Variants in RNLS observed in about 807,000 individuals in gnomAD.
The protein encoded by RNLS is renalase.
Under a neutral mutation model 39.8 loss-of-function variants are expected in RNLS, and 39 were observed. The ratio of observed to expected loss-of-function variants is 0.98; its 90% CI spans 0.76 to 1.28. The LOEUF (loss-of-function observed/expected upper bound fraction) is 1.28. Ranked by LOEUF, RNLS falls within the 50% of genes most tolerant of loss-of-function variation. The pLI, the probability that RNLS is intolerant of heterozygous loss-of-function variation, is 0.00. For missense variants in RNLS, 410 were observed against 413.3 expected (o/e 0.99, Z 0.07); for synonymous variants, 147 against 150.7 (o/e 0.98, Z 0.18).
At chr10:88,428,661 G>T (rs558204174) in intron 4 of RNLS, among the ~76,000 whole-genome samples, 2 of 151,970 alleles carry the variant, frequency 1.3e-5, no homozygotes, top group Non-Finnish European at 1.5e-5. Context: ...TACCCCTGGG[G>T]TATGTGGCTA....
intron 4 of RNLS, among the ~76,000 whole-genome samples, chr10:88,453,263 C>G (rs1461878615): frequency 6.6e-6 from 1 of 152,206 alleles, no homozygotes; most frequent in African/African-American, 2.4e-5. Context: ...TAGAAACCAA[C>G]AGCTCTTAGT....
Position 88,284,983 on chromosome 10 carries a change from T to C in RNLS, c.*371A>G. The C allele has an allele frequency of 1.0e-6, 1 of 993,018 alleles. No individual in the cohort carries two copies. The highest frequency in any genetic ancestry group is 1.2e-6 in the Non-Finnish European group (1 of 835,068). 61.5% of individuals were successfully genotyped at this position (993,018 alleles called of 1,614,324 possible). On this transcript the variant is annotated 3_prime_UTR_variant, in exon 7 of 7. Transcript: ENST00000331772. The stretch of plus-strand genomic sequence containing the variant: ...AGATGGGGCTTTGATAATGTGATTA[T>C]TCTTTATTCAGAATTGAAATTTTCA...
chr10:88,503,549 A>G (rs976104719), intron 4 of RNLS, among the ~76,000 whole-genome samples: 36 of 152,194 alleles, frequency 2.4e-4, no homozygotes, highest in African/African-American at 8.4e-4. Flanking sequence ...TTAGAACTAC[A>G]AAGTTGCAAT....
At chr10:88,426,162 T>C (rs746189821) in intron 4 of RNLS, among the ~76,000 whole-genome samples, 1 of 152,064 alleles carries the variant, frequency 6.6e-6, no homozygotes, top group Non-Finnish European at 1.5e-5. Flanking sequence ...TATGGCTCTT[T>C]GTACTCAAGA....
At chr10:88,369,107 T>C (rs556467527) in intron 4 of RNLS, among the ~76,000 whole-genome samples, 4 of 152,324 alleles carry the variant, frequency 2.6e-5, no homozygotes, top group South Asian at 4.1e-4. Flanking sequence ...TAATGGGTGA[T>C]ATAGGCATTC....
At chr10:88,504,841 CAG>C (rs386361961) in intron 4 of RNLS, among the ~76,000 whole-genome samples, 24,057 of 136,598 alleles carry the variant, frequency 0.18, 2,109 homozygotes, top group Admixed American at 0.27. Context: ...GAGAGAGAGA[CAG>C]AGTGTGTGTG....
intron 4 of RNLS, among the ~76,000 whole-genome samples, chr10:88,457,751 T>C (rs1405969054): frequency 6.6e-6 from 1 of 152,184 alleles, no homozygotes; most frequent in Non-Finnish European, 1.5e-5. Context: ...TCCTCTGATG[T>C]CTCCCTATCC....
At chr10:88,190,943 A>G in the RNLS span, among the ~76,000 whole-genome samples, 9 of 152,196 alleles carry the variant, frequency 5.9e-5, no homozygotes, top group African/African-American at 9.7e-5. Flanking sequence ...GGCAGACGGA[A>G]GCCCCCAGGG....
chr10:88,563,318 G>C (rs946948841), intron 4 of RNLS, among the ~76,000 whole-genome samples: 3 of 152,150 alleles, frequency 2.0e-5, no homozygotes, highest in African/African-American at 7.2e-5. Flanking sequence ...CATAGGAAAA[G>C]AGTTTAGTGA....
chr10:88,220,552 G>A, the RNLS span, among the ~76,000 whole-genome samples: 14 of 152,252 alleles, frequency 9.2e-5, no homozygotes, highest in South Asian at 1.9e-3. Context: ...ACAAGTTTAC[G>A]TAAAATCTTT....
chr10:88,186,881 G>T, the RNLS span, among the ~76,000 whole-genome samples: 1 of 151,998 alleles, frequency 6.6e-6, no homozygotes, highest in African/African-American at 2.4e-5. Context: ...GGCAGAATTT[G>T]TACAGTTCAG....
At chr10:88,416,454 T>C (rs781753885) in intron 4 of RNLS, among the ~76,000 whole-genome samples, 1 of 152,018 alleles carries the variant, frequency 6.6e-6, no homozygotes, top group Non-Finnish European at 1.5e-5. Context: ...GTTTTCTCCA[T>C]GTTGGTCAGG....
At chr10:88,313,771 G>A (rs139644301) in intron 6 of RNLS, among the ~76,000 whole-genome samples, 34 of 152,256 alleles carry the variant, frequency 2.2e-4, no homozygotes, top group South Asian at 8.3e-4. Context: ...CCTTTGCTTC[G>A]TTGTCCCCTA....
At chr10:88,355,297 T>C (rs1268635014) in intron 5 of RNLS, among the ~76,000 whole-genome samples, 1 of 152,200 alleles carries the variant, frequency 6.6e-6, no homozygotes, top group East Asian at 1.9e-4. Flanking sequence ...GCTCTGATTT[T>C]TAGAATTTTC....
chr10:88,527,677 C>G (rs566898015), intron 4 of RNLS, among the ~76,000 whole-genome samples: 2 of 152,148 alleles, frequency 1.3e-5, no homozygotes, highest in South Asian at 2.1e-4. Flanking sequence ...CTCTTCCCCC[C>G]ACATATACAC....
rs142594168 is a variant in RNLS, at chr10:88,347,617, TA to T, written c.700+14934del. ...TAATTTAAACACCAACCCCCCCCAATAAAAAAGCAATGATGGATATAAAGCA... is the reference window on the plus strand; with the variant it reads ...TAATTTAAACACCAACCCCCCCCAATAAAAAGCAATGATGGATATAAAGCA... On this transcript the variant is annotated intron_variant, in intron 5 of 6. Coordinates refer to ENST00000331772, the MANE Select transcript of RNLS (RefSeq NM_001031709.3). Among the ~76,000 whole-genome samples the T allele has an allele frequency of 8.2e-3, 1,240 of 151,096 alleles. 18 individuals are homozygous for T. The highest frequency in any genetic ancestry group is 0.03 in the South Asian group (143 of 4,764).
intron 4 of RNLS, among the ~76,000 whole-genome samples, chr10:88,445,800 C>T (rs1297595487): frequency 6.6e-6 from 1 of 152,126 alleles, no homozygotes; most frequent in African/African-American, 2.4e-5. Context: ...ACAGGAGCAC[C>T]CAAATTCATA....
chr10:88,428,681 T>C (rs1161321297), intron 4 of RNLS, among the ~76,000 whole-genome samples: 1 of 151,954 alleles, frequency 6.6e-6, no homozygotes, highest in Non-Finnish European at 1.5e-5. Flanking sequence ...ATTATAGAAC[T>C]GGGGCAAATG....
chr10:88,535,637 T>A (rs1350277542), intron 4 of RNLS, among the ~76,000 whole-genome samples: 1 of 152,088 alleles, frequency 6.6e-6, no homozygotes, highest in African/African-American at 2.4e-5. Context: ...TAGGACTCAT[T>A]ACTGATAAAA....
Sources: gnomAD v4.1 joint callset for allele counts (sites outside exome capture counted in the v4.1 genomes callset) on GRCh38, gnomAD v4.1.1 for gene constraint, MANE v1.5 for transcripts, NCBI Gene and HGNC (gene_info 2026-07-23, HGNC 2026-07-21) for gene names.